Variants in ITGA11 observed in about 807,000 individuals in gnomAD.
ITGA11 encodes integrin subunit alpha 11.
A neutral mutation model predicts 141.9 loss-of-function variants in ITGA11; 97 were observed. The observed-to-expected ratio is 0.68, with a 90% confidence interval of 0.58 to 0.81. ITGA11 has a LOEUF of 0.81. ITGA11 is among the 30% of genes least tolerant of loss of function. The pLI, the probability that ITGA11 is intolerant of heterozygous loss-of-function variation, is 0.00. For missense variants in ITGA11, 1,387 were observed against 1,559.2 expected (o/e 0.89, Z 1.86); for synonymous variants, 658 against 624.6 (o/e 1.05, Z -0.80).
intron 24 of ITGA11, 141 bp downstream of exon 24, chr15:68,312,632 T>C: frequency 1.6e-6 from 1 of 624,418 alleles, no homozygotes; most frequent in Non-Finnish European, 2.8e-6. Context: ...AGAAGTGACT[T>C]GACTAAAGTC....
At chr15:68,412,156 G>A (rs894436785) in intron 1 of ITGA11, among the ~76,000 whole-genome samples, 5 of 152,140 alleles carry the variant, frequency 3.3e-5, no homozygotes, top group Non-Finnish European at 5.9e-5. Flanking sequence ...AATTGATGCA[G>A]CTTAGCTCTT....
At chr15:68,364,125 G>A (rs930627259) in intron 4 of ITGA11, among the ~76,000 whole-genome samples, 13 of 152,144 alleles carry the variant, frequency 8.5e-5, no homozygotes, top group African/African-American at 1.7e-4. Flanking sequence ...TCTTCCTTGC[G>A]AAGGCCTGTC....
chr15:68,332,558 G>A, intron 12 of ITGA11, 80 bp from the exon 13 acceptor site: 2 of 1,498,220 alleles, frequency 1.3e-6, no homozygotes, highest in Non-Finnish European at 1.8e-6. Flanking sequence ...CGGGCAGAGG[G>A]AAGCCAAGGT....
chr15:68,303,081 G>T lies in ITGA11; in HGVS notation c.3545C>A (p.Pro1182His). ...ARRRREPGLD[P>H]TPKVLE ...GCCTCACTCCAGCACTTTGGGGGTG[G>T]GGTCCAGACCAGGCTCCCTCCTGCG... Residue 1182 changes from proline to histidine, a missense_variant, in exon 30 of 30, where the codon CCC becomes CAC. Physicochemically the swap from Pro to His is moderately conservative, Grantham distance 77. Coordinates refer to ENST00000315757, the MANE Select transcript of ITGA11 (RefSeq NM_001004439.2). The surrounding 1 kb of genome is among the most constrained non-coding windows in gnomAD (Gnocchi z 5.3). The T allele has an allele frequency of 6.5e-7, 1 of 1,550,362 alleles. No homozygotes were observed. The highest frequency in any genetic ancestry group is 2.4e-5 in the East Asian group (1 of 40,950).
chr15:68,332,431 G>A lies in ITGA11; in HGVS notation c.1473C>T (p.Gly491=), dbSNP rs377101024. 10 of 1,611,484 alleles carry A rather than the reference G, an allele frequency of 6.2e-6. No individual in the cohort carries two copies. The highest frequency in any genetic ancestry group is 1.3e-5 in the African/African-American group (1 of 74,878). The change falls in exon 13 of 30, where the codon GGC becomes GGT. Residue 491 remains glycine (G), a synonymous_variant. Coordinates refer to ENST00000315757, the MANE Select transcript of ITGA11 (RefSeq NM_001004439.2). The part of the protein sequence containing the change: ...GSEITSVDID[G]DGVTDVLLVG... ...CCAGCAGGACATCAGTCACGCCGTC[G>A]CCGTCGATGTCCACCGAGGTGATTT...
intron 7 of ITGA11, among the ~76,000 whole-genome samples, chr15:68,352,204 TTTAA>T (rs1303613695): frequency 6.6e-6 from 1 of 151,180 alleles, no homozygotes; most frequent in Non-Finnish European, 1.5e-5. Context: ...TTTTTTTTTT[TTTAA>T]TTGAGACAGA....
At chr15:68,387,745 C>G (rs1896020763) in intron 2 of ITGA11, among the ~76,000 whole-genome samples, 1 of 152,146 alleles carries the variant, frequency 6.6e-6, no homozygotes, top group Non-Finnish European at 1.5e-5. Flanking sequence ...AGGAGAGGCA[C>G]TCCTGGCTGC....
rs528585255 is a variant in ITGA11, at chr15:68,335,706, C to T, written c.1416G>A (p.Arg472=). 1.2e-6 allele frequency: 2 copies of T among 1,613,704 alleles called. No homozygotes were observed. Among genetic ancestry groups the T allele is most frequent in the Non-Finnish European group, 1.7e-6 (2 of 1,179,762 alleles). ...NRSLTIHQAM[R]GQQIGSYFGS... ...GCTCCCCCTCCATTACCTGCTGGCC[C>T]CGCATAGCCTGGTGGATGGTGAGGC... The change falls in exon 12 of 30, where the codon CGG becomes CGA. Residue 472 remains arginine (R), a synonymous_variant. Transcript: ENST00000315757. The surrounding 1 kb of genome is among the most constrained non-coding windows in gnomAD (Gnocchi z 4.9).
chr15:68,414,304 T>A (rs569488446), intron 1 of ITGA11, among the ~76,000 whole-genome samples: 1 of 152,280 alleles, frequency 6.6e-6, no homozygotes, highest in Admixed American at 6.5e-5. Context: ...CTTCTAGGAA[T>A]GGTCCCTGGG....
intron 2 of ITGA11, among the ~76,000 whole-genome samples, chr15:68,399,844 T>G (rs879705646): frequency 2.6e-5 from 4 of 152,062 alleles, no homozygotes; most frequent in Non-Finnish European, 4.4e-5. Context: ...AAAAACTACC[T>G]ATTGGGTAGC....
At chr15:68,370,030 G>A (rs892350402) in intron 2 of ITGA11, among the ~76,000 whole-genome samples, 3 of 152,184 alleles carry the variant, frequency 2.0e-5, no homozygotes, top group Non-Finnish European at 2.9e-5. Flanking sequence ...GTTAGGAGAT[G>A]CTGCCCCAAG....
intron 2 of ITGA11, 65 bp from the exon 3 acceptor site, chr15:68,369,349 G>A: frequency 9.6e-7 from 1 of 1,037,574 alleles, no homozygotes. Flanking sequence ...AGAGGATGGA[G>A]CCTGGTGGGC....
chr15:68,317,433 A>AC, intron 20 of ITGA11, 70 bp from the exon 21 acceptor site: 1 of 1,068,522 alleles, frequency 9.4e-7, no homozygotes, highest in Non-Finnish European at 1.5e-6. Flanking sequence ...AGGCTCCCTC[A>AC]CCCCCAGCCT....
intron 28 of ITGA11, among the ~76,000 whole-genome samples, chr15:68,306,165 G>A (rs1893186625): frequency 6.6e-6 from 1 of 150,506 alleles, no homozygotes; most frequent in Non-Finnish European, 1.5e-5. Context: ...ACTCTAGCCT[G>A]GGTGACAGAG....
At chr15:68,395,841 T>C (rs1487572140) in intron 2 of ITGA11, among the ~76,000 whole-genome samples, 1 of 147,562 alleles carries the variant, frequency 6.8e-6, no homozygotes, top group Non-Finnish European at 1.5e-5. Context: ...CTGCACGTTG[T>C]GCACATGTAC....
intron 14 of ITGA11, 58 bp downstream of exon 14, chr15:68,331,801 G>T: frequency 7.1e-7 from 1 of 1,415,516 alleles, no homozygotes; most frequent in Non-Finnish European, 9.8e-7. Flanking sequence ...AAGCTCCTGG[G>T]ACTCCTGGGA....
chr15:68,409,404 G>A (rs1039761679), intron 1 of ITGA11, among the ~76,000 whole-genome samples: 9 of 152,162 alleles, frequency 5.9e-5, no homozygotes, highest in Admixed American at 3.9e-4. Context: ...CTGAGAATCT[G>A]TTCTCAGAAT....
chr15:68,400,661 T>TATA (rs1555400621), intron 2 of ITGA11, among the ~76,000 whole-genome samples: 4 of 27,782 alleles, frequency 1.4e-4, no homozygotes, highest in African/African-American at 1.1e-3. Flanking sequence ...ATATAATAAA[T>TATA]ATATTATATA....
At chr15:68,363,522 C>T (rs1895318551) in intron 4 of ITGA11, among the ~76,000 whole-genome samples, 1 of 152,186 alleles carries the variant, frequency 6.6e-6, no homozygotes, top group East Asian at 1.9e-4. Context: ...GCATCCCAGT[C>T]ATCGTCTTAT....
Sources: allele counts gnomAD v4.1 joint callset (sites outside exome capture counted in the v4.1 genomes callset), GRCh38; gene constraint gnomAD v4.1.1; non-coding constraint Gnocchi (gnomAD v3.1); transcripts MANE v1.5; gene names NCBI Gene and HGNC (gene_info 2026-07-23, HGNC 2026-07-21).